The following INAVA variants were observed in gnomAD, a reference collection of about 807,000 sequenced individuals.
INAVA encodes innate immunity activator.
Under a neutral mutation model 55.3 loss-of-function variants are expected in INAVA, and 32 were observed. That is an observed-to-expected ratio of 0.58 (90% CI 0.44 to 0.78). INAVA has a LOEUF of 0.78. INAVA is among the 30% of genes least tolerant of loss of function. INAVA has a pLI of 0.00. For synonymous variants in INAVA, 294 were observed against 329.4 expected (o/e 0.89, Z 1.16); for missense variants, 756 against 786.4 (o/e 0.96, Z 0.46).
intron 8 of INAVA, among the ~76,000 whole-genome samples, chr1:200,911,109 T>TAAAAAGTACTTAATGTAGTACTTTA (rs1653697946): frequency 2.4e-5 from 3 of 126,870 alleles, no homozygotes; most frequent in African/African-American, 8.1e-5. Flanking sequence ...TGTAGTACTT[T>TAAAAAGTACTTAATGTAGTACTTTA]AAAAAAGTAC....
rs60894373 is a variant in INAVA at position 200,895,445 on chromosome 1, C to A, written c.-95+358C>A. On this transcript the variant is annotated intron_variant, in intron 1 of 9. Transcript: ENST00000413687. ...TCTGTGCCCCTTCTGGTCTCCTCTG[C>A]CTTTTTCTGGGGACATTGTTCAGCC... 8.8e-3 allele frequency among the ~76,000 whole-genome samples: 1,335 copies of A among 152,164 alleles called. 19 individuals are homozygous for A. Among genetic ancestry groups the A allele is most frequent in the African/African-American group, 0.031 (1,267 of 41,496 alleles).
At chr1:200,912,654 C>T (rs1049545353) in intron 9 of INAVA, among the ~76,000 whole-genome samples, 5 of 152,138 alleles carry the variant, frequency 3.3e-5, no homozygotes, top group African/African-American at 1.2e-4. Flanking sequence ...TCAAGCTAGA[C>T]CACCAGGTTC....
Position 200,899,519 on chromosome 1 carries a change from G to A in INAVA, c.102G>A (p.Val34=). Residue 34 remains valine, a synonymous_variant, in exon 3 of 10, where the codon GTG becomes GTA. Transcript: ENST00000413687. ...CAATGAAGGAGCTGACCCATGCAGT[G>A]CACAAGCAGCAGAGGGCCCTGGAAG... ...VSPMKELTHA[V]HKQQRALEAR... 6.2e-7 allele frequency: 1 copy of A among 1,614,028 alleles called. No homozygotes were observed. Among genetic ancestry groups the A allele is most frequent in the East Asian group, 2.2e-5 (1 of 44,876 alleles).
chr1:200,906,041 AAT>A (rs1653475522), intron 5 of INAVA, among the ~76,000 whole-genome samples: 1 of 152,226 alleles, frequency 6.6e-6, no homozygotes, highest in Non-Finnish European at 1.5e-5. Context: ...TGCAGGTGAT[AAT>A]ATCTACCTTA....
In INAVA at chr1:200,913,907, T is replaced by C; in HGVS notation, c.*278T>C. On this transcript the variant is annotated 3_prime_UTR_variant, in exon 10 of 10. Coordinates refer to ENST00000413687, the MANE Select transcript of INAVA (RefSeq NM_001142569.3). Reference sequence around the variant, plus strand: ...GGCCTTGCCTGTCTGACTGACAGCCTCTATCTCCTTATATAAGACAAGTGG... The same window carrying C: ...GGCCTTGCCTGTCTGACTGACAGCCCCTATCTCCTTATATAAGACAAGTGG... The C allele has an allele frequency of 2.5e-6, 1 of 404,204 alleles. No individual in the cohort carries two copies. Among genetic ancestry groups the C allele is most frequent in the Non-Finnish European group, 4.5e-6 (1 of 224,568 alleles). The allele number at this position is 404,204 out of a possible 1,614,324, so 25.0% of individuals were successfully genotyped here. A position where few individuals can be genotyped will look rare whatever the true frequency, so the allele number is the denominator to read the frequency against.
rs1211382048 is a variant in INAVA, at chr1:200,908,870, T to C, written c.715T>C (p.Trp239Arg). Residue 239 changes from tryptophan to arginine, a missense_variant, in exon 7 of 10, where the codon TGG (tryptophan) becomes CGG (arginine). Trp to Arg is a moderately radical substitution (Grantham distance 101). This residue lies in a region of INAVA where 639 missense variants were observed against 624.3 expected (regional missense o/e 1.02). Coordinates refer to ENST00000413687, the MANE Select transcript of INAVA (RefSeq NM_001142569.3). The stretch of plus-strand genomic sequence containing the variant: ...ACGGGCTCCAGTCCAGAACAGCCCC[T>C]GGAAGGAAACCAGCCTGGACCACCC... ...PERAPVQNSP[W>R]KETSLDHPYE... The C allele has an allele frequency of 6.2e-7, 1 of 1,613,818 alleles. No homozygotes were observed. The highest frequency in any genetic ancestry group is 1.7e-5 in the Admixed American group (1 of 59,976).
chr1:200,906,862 G>C (rs1316909352), intron 5 of INAVA, among the ~76,000 whole-genome samples: 1 of 152,100 alleles, frequency 6.6e-6, no homozygotes, highest in Non-Finnish European at 1.5e-5. Context: ...GTCTCACTCT[G>C]TTGCCCAGGC....
At chr1:200,895,137 C>G in intron 1 of INAVA, 50 bp downstream of exon 1, 1 of 986,120 alleles carries the variant, frequency 1.0e-6, no homozygotes, top group Non-Finnish European at 1.2e-6. Flanking sequence ...AGCAGGCTGG[C>G]CTGGGAGTGG....
At position 200,907,904 on chromosome 1, in the gene INAVA, G is replaced by T; in HGVS notation, c.574+17G>T. ...TGGAGGAAGGTGAGAAGGACGTTTGGGGGACTATTGTCAAGGCTGGACTCC... is the reference window on the plus strand; with the variant it reads ...TGGAGGAAGGTGAGAAGGACGTTTGTGGGACTATTGTCAAGGCTGGACTCC... On this transcript the variant is annotated intron_variant, in intron 6 of 9. Coordinates refer to ENST00000413687, the MANE Select transcript of INAVA (RefSeq NM_001142569.3). 6.2e-7 allele frequency: 1 copy of T among 1,607,772 alleles called. No homozygotes were observed. The highest frequency in any genetic ancestry group is 8.5e-7 in the Non-Finnish European group (1 of 1,175,076).
chr1:200,911,470 C>A lies in INAVA; in HGVS notation c.977C>A (p.Ala326Glu). ...CTCTTCAGGGTGGATTCCTTCCGGG[C>A]GGGTCCTGAGGGCCGAGGTCGCAGC... ...SQSLRVDSFR[A>E]GPEGRGRSAF... is the part of the protein sequence containing the mutation. The change falls in exon 9 of 10, where the codon GCG (alanine) becomes GAG (glutamate). Residue 326 changes from alanine to glutamate, a missense_variant. Physicochemically the swap from Ala to Glu is moderately radical, Grantham distance 107. Transcript: ENST00000413687. The A allele has an allele frequency of 2.5e-6, 4 of 1,612,370 alleles. No individual in the cohort carries two copies. The highest frequency in any genetic ancestry group is 2.5e-6 in the Non-Finnish European group (3 of 1,179,016).
chr1:200,899,997 T>A (rs1470203727), intron 3 of INAVA, 107 bp from the exon 4 acceptor site: 6 of 870,460 alleles, frequency 6.9e-6, no homozygotes, highest in African/African-American at 3.4e-5. Context: ...GGGTGGAGGG[T>A]GGTCCCACCA....
At chr1:200,891,576 G>A, upstream of INAVA, 11 of 1,595,188 alleles carry the variant, frequency 6.9e-6, no homozygotes, top group Middle Eastern at 1.7e-4. Context: ...AAATACCTCC[G>A]GGGAGGGCAG....
At chr1:200,898,064 G>C in intron 1 of INAVA, among the ~76,000 whole-genome samples, 1 of 152,234 alleles carries the variant, frequency 6.6e-6, no homozygotes, top group East Asian at 1.9e-4. Flanking sequence ...AGGCCTAGAG[G>C]ACTTTGGCCC....
In INAVA at chr1:200,899,517, G is replaced by A; in HGVS notation, c.100G>A (p.Val34Met). Reference protein sequence around the residue: ...VSPMKELTHAVHKQQRALEAR... With the variant: ...VSPMKELTHAMHKQQRALEAR... ...CCCAATGAAGGAGCTGACCCATGCAGTGCACAAGCAGCAGAGGGCCCTGGA... is the reference window on the plus strand; with the variant it reads ...CCCAATGAAGGAGCTGACCCATGCAATGCACAAGCAGCAGAGGGCCCTGGA... Residue 34 changes from valine (V) to methionine (M), a missense_variant, in exon 3 of 10, where the codon GTG becomes ATG. Coordinates refer to ENST00000413687, the MANE Select transcript of INAVA (RefSeq NM_001142569.3). 2 of 1,614,086 alleles carry A rather than the reference G, an allele frequency of 1.2e-6. No individual in the cohort carries two copies. Among genetic ancestry groups the A allele is most frequent in the Non-Finnish European group, 1.7e-6 (2 of 1,180,012 alleles).
chr1:200,912,396 G>A (rs543319700), intron 9 of INAVA, among the ~76,000 whole-genome samples: 4 of 152,250 alleles, frequency 2.6e-5, no homozygotes, highest in East Asian at 1.9e-4. Context: ...GATGATCCCC[G>A]AAGATAGCTG....
chr1:200,902,675 T>G (rs1452928318), intron 5 of INAVA, among the ~76,000 whole-genome samples: 1 of 152,238 alleles, frequency 6.6e-6, no homozygotes. Flanking sequence ...GCCAACTTGC[T>G]CTGTGCCTGC....
chr1:200,896,599 C>A (rs1201932778), intron 1 of INAVA, among the ~76,000 whole-genome samples: 2 of 152,184 alleles, frequency 1.3e-5, no homozygotes, highest in Admixed American at 6.5e-5. Context: ...AATTGAAATT[C>A]CAAAGTGCAA....
rs1276524853 is a variant in INAVA, at chr1:200,911,929, G to A, written c.1436G>A (p.Arg479His). ...RYQRLVPSRS[R>H]IVRTPSLKDS... Reference sequence around the variant, plus strand: ...CAGCGTCTGGTGCCCTCCCGCAGCCGCATCGTGCGGACGCCCTCCCTGAAG... The same window carrying A: ...CAGCGTCTGGTGCCCTCCCGCAGCCACATCGTGCGGACGCCCTCCCTGAAG... The change falls in exon 9 of 10, where the codon CGC becomes CAC. Residue 479 changes from arginine to histidine, a missense_variant. Physicochemically the swap from Arg to His is conservative, Grantham distance 29. Around this residue, in one of 2 missense-constraint regions of INAVA, gnomAD observed 117 missense variants for 162.1 expected, o/e 0.72. Transcript: ENST00000413687. The A allele has an allele frequency of 1.4e-5, 22 of 1,565,350 alleles. No individual in the cohort carries two copies. Among genetic ancestry groups the A allele is most frequent in the Non-Finnish European group, 1.8e-5 (21 of 1,162,740 alleles).
chr1:200,900,276 G>C (rs1479545778), intron 4 of INAVA, 56 bp downstream of exon 4: 1 of 1,475,570 alleles, frequency 6.8e-7, no homozygotes, highest in Non-Finnish European at 9.4e-7. Flanking sequence ...TGATCACTGA[G>C]ACGCCACACC....
Sources: gnomAD v4.1 joint callset for allele counts (sites outside exome capture counted in the v4.1 genomes callset) on GRCh38, gnomAD v4.1.1 for gene constraint, gnomAD v4.1.1 regional missense constraint, MANE v1.5 for transcripts, NCBI Gene and HGNC (gene_info 2026-07-23, HGNC 2026-07-21) for gene names.